The following KIAA1217 variants were observed in gnomAD, a reference collection of about 807,000 sequenced individuals.
The protein encoded by KIAA1217 is sickle tail protein homolog.
Under a neutral mutation model 163.9 loss-of-function variants are expected in KIAA1217, and 88 were observed. The observed-to-expected ratio is 0.54, with a 90% confidence interval of 0.45 to 0.64. The LOEUF is 0.64. Among genes scored for constraint, KIAA1217 ranks in the 30% least tolerant of loss-of-function variants. KIAA1217 has a pLI of 0.00. For synonymous variants in KIAA1217, 903 were observed against 923.1 expected, an observed-to-expected ratio of 0.98 and a Z score of 0.39; for missense variants, 2,372 against 2,475.0, an observed-to-expected ratio of 0.96 and a Z score of 0.88.
intron 1 of KIAA1217, among the ~76,000 whole-genome samples, chr10:23,997,332 C>G (rs1252372353): frequency 1.3e-5 from 2 of 152,138 alleles, no homozygotes; most frequent in Non-Finnish European, 2.9e-5. Context: ...AGTTTAAGGC[C>G]ACTATGAAAA....
chr10:23,922,053 C>G (rs1842868098), intron 1 of KIAA1217, among the ~76,000 whole-genome samples: 1 of 152,070 alleles, frequency 6.6e-6, no homozygotes, highest in South Asian at 2.1e-4. Flanking sequence ...CCCCACCCCC[C>G]ACCAACAGCC....
intron 1 of KIAA1217, among the ~76,000 whole-genome samples, chr10:23,756,133 T>C (rs1190602663): frequency 6.6e-6 from 1 of 151,654 alleles, no homozygotes; most frequent in African/African-American, 2.4e-5. Context: ...ATTTTCTTTT[T>C]TTTTTTTTTA....
intron 1 of KIAA1217, among the ~76,000 whole-genome samples, chr10:23,856,523 G>A (rs988234644): frequency 1.3e-5 from 2 of 152,228 alleles, no homozygotes; most frequent in Non-Finnish European, 2.9e-5. Context: ...CGTGCTGGGA[G>A]AACCACTGCT....
At chr10:23,795,196 A>G (rs935407233) in intron 1 of KIAA1217, among the ~76,000 whole-genome samples, 4 of 151,964 alleles carry the variant, frequency 2.6e-5, no homozygotes, top group Non-Finnish European at 5.9e-5. Context: ...TCAAGAAAGG[A>G]CCTCCTTTGA....
chr10:23,819,699 C>G (rs545255261), intron 1 of KIAA1217, among the ~76,000 whole-genome samples: 20 of 152,252 alleles, frequency 1.3e-4, no homozygotes, highest in African/African-American at 4.6e-4. Flanking sequence ...TTTTCTGATG[C>G]CATTGTACAT....
At chr10:23,988,747 T>C (rs540733865) in intron 1 of KIAA1217, among the ~76,000 whole-genome samples, 3 of 152,336 alleles carry the variant, frequency 2.0e-5, no homozygotes, top group South Asian at 2.1e-4. Context: ...TGTTTTTGAT[T>C]TTCTAAGAAA....
At chr10:23,985,202 T>TAATGATATAC (rs1181298418) in intron 1 of KIAA1217, among the ~76,000 whole-genome samples, 5 of 152,364 alleles carry the variant, frequency 3.3e-5, no homozygotes, top group Admixed American at 3.3e-4. Context: ...GCTTGTATAT[T>TAATGATATAC]AATGATATAC....
At chr10:24,504,672 G>C (rs1250409162) in intron 9 of KIAA1217, among the ~76,000 whole-genome samples, 1 of 152,210 alleles carries the variant, frequency 6.6e-6, no homozygotes, top group Non-Finnish European at 1.5e-5. Context: ...TTTGAACTGT[G>C]TTATAAAATA....
At chr10:23,711,445 C>G (rs1313294668) in intron 1 of KIAA1217, among the ~76,000 whole-genome samples, 1 of 152,096 alleles carries the variant, frequency 6.6e-6, no homozygotes, top group Non-Finnish European at 1.5e-5. Context: ...ATTTGAGCAG[C>G]CTCCAGGAGA....
Position 24,433,040 on chromosome 10 carries a change from T to C in KIAA1217, c.599T>C (p.Met200Thr). 2 of 1,614,134 alleles carry C rather than the reference T, an allele frequency of 1.2e-6. No individual in the cohort carries two copies. Among genetic ancestry groups the C allele is most frequent in the Non-Finnish European group, 1.7e-6 (2 of 1,180,008 alleles). Residue 200 changes from methionine to threonine, a missense_variant, in exon 4 of 21, where the codon ATG becomes ACG. Met to Thr is a moderately conservative substitution (Grantham distance 81). Coordinates refer to ENST00000376454, the MANE Select transcript of KIAA1217 (RefSeq NM_019590.5). Reference sequence around the variant, plus strand: ...GGAGATGAAACCAAGCAGCTCAGGATGCCGAATGAAATCACAAGTGCAGAC... The same window carrying C: ...GGAGATGAAACCAAGCAGCTCAGGACGCCGAATGAAATCACAAGTGCAGAC... Reference protein sequence around the residue: ...QYGDETKQLRMPNEITSADTI... With the variant: ...QYGDETKQLRTPNEITSADTI...
At chr10:24,155,887 T>C (rs1199338386) in intron 2 of KIAA1217, among the ~76,000 whole-genome samples, 2 of 152,164 alleles carry the variant, frequency 1.3e-5, no homozygotes, top group Non-Finnish European at 2.9e-5. Context: ...CTCTGTGACC[T>C]GAAGTTGAGC....
chr10:24,383,750 A>C (rs1180945044), intron 3 of KIAA1217, among the ~76,000 whole-genome samples: 1 of 152,196 alleles, frequency 6.6e-6, no homozygotes, highest in African/African-American at 2.4e-5. Flanking sequence ...CCAGAAAATG[A>C]GGCTGGCACT....
At chr10:24,229,219 A>C (rs1445867124) in intron 2 of KIAA1217, among the ~76,000 whole-genome samples, 1 of 152,244 alleles carries the variant, frequency 6.6e-6, no homozygotes, top group African/African-American at 2.4e-5. Context: ...TGTATACTAT[A>C]CACTGTTCAG....
In KIAA1217 at chr10:24,513,451, T is replaced by C; in HGVS notation, c.2177+17T>C. On this transcript the variant is annotated intron_variant, in intron 10 of 20. Coordinates refer to ENST00000376454, the MANE Select transcript of KIAA1217 (RefSeq NM_019590.5). ...GAAGTTGTGGTGAGTGCCAGTCACT[T>C]GCATGTTGAGCTGTTTCACCTGCAA... 6.2e-7 allele frequency: 1 copy of C among 1,611,304 alleles called. No individual in the cohort carries two copies. The highest frequency in any genetic ancestry group is 1.7e-5 in the Admixed American group (1 of 59,852).
At chr10:24,432,863 A>G in intron 3 of KIAA1217, 132 bp from the exon 4 acceptor site, 5 of 652,558 alleles carry the variant, frequency 7.7e-6, no homozygotes, top group South Asian at 1.9e-5. Flanking sequence ...TTCCAAACCT[A>G]GATCTCTTGT....
At chr10:23,756,463 G>A (rs375289142) in intron 1 of KIAA1217, among the ~76,000 whole-genome samples, 38 of 152,230 alleles carry the variant, frequency 2.5e-4, no homozygotes, top group African/African-American at 9.1e-4. Context: ...TAAGAACCAT[G>A]TTATAATTTT....
intron 10 of KIAA1217, 108 bp downstream of exon 10, chr10:24,513,542 G>T: frequency 9.9e-7 from 1 of 1,012,680 alleles, no homozygotes; most frequent in South Asian, 1.6e-5. Flanking sequence ...TCTTTATTGA[G>T]CACCTACTGT....
intron 1 of KIAA1217, among the ~76,000 whole-genome samples, chr10:23,830,759 TG>T (rs1424759627): frequency 1.3e-5 from 2 of 150,996 alleles, no homozygotes; most frequent in Non-Finnish European, 2.9e-5. Flanking sequence ...ATTGCTGGAA[TG>T]GGGAATAATA....
intron 1 of KIAA1217, among the ~76,000 whole-genome samples, chr10:23,890,246 A>G (rs1330317426): frequency 6.6e-6 from 1 of 151,216 alleles, no homozygotes; most frequent in Non-Finnish European, 1.5e-5. Context: ...GATCTTTGTT[A>G]TTTTCTTATT....
Sources: allele counts gnomAD v4.1 joint callset (sites outside exome capture counted in the v4.1 genomes callset), GRCh38; gene constraint gnomAD v4.1.1; transcripts MANE v1.5; gene names NCBI Gene and HGNC (gene_info 2026-07-23, HGNC 2026-07-21).